The following FER variants were observed in gnomAD, a reference collection of about 807,000 sequenced individuals.
FER encodes the protein FER tyrosine kinase.
In FER, 63 loss-of-function variants were observed where a neutral mutation model predicts 111.0. The ratio of observed to expected loss-of-function variants is 0.57; its 90% confidence interval spans 0.46 to 0.70. The LOEUF (loss-of-function observed/expected upper bound fraction) is 0.70. FER is among the 30% of genes least tolerant of loss of function. The pLI, the probability that FER is intolerant of heterozygous loss-of-function variation, is 0.00. For missense variants in FER, 914 were observed against 954.0 expected (o/e 0.96, Z 0.55); for synonymous variants, 327 against 313.9 (o/e 1.04, Z -0.44).
At chr5:109,029,368 G>A (rs1769260535) in intron 13 of FER, among the ~76,000 whole-genome samples, 1 of 147,226 alleles carries the variant, frequency 6.8e-6, no homozygotes, top group Admixed American at 6.8e-5. Flanking sequence ...TCTAGCATTA[G>A]GTATATCTCC....
intron 5 of FER, chr5:108,842,789 T>C (rs896957904): frequency 1.3e-5 from 2 of 152,200 alleles, no homozygotes; most frequent in African/African-American, 4.8e-5. Flanking sequence ...GGAACACTTC[T>C]ACACGGCTGG....
chr5:108,892,814 G>A (rs1218280535), intron 9 of FER, among the ~76,000 whole-genome samples: 4 of 152,150 alleles, frequency 2.6e-5, no homozygotes, highest in African/African-American at 9.7e-5. Flanking sequence ...TAACGTTTAA[G>A]TCTTTAATCC....
At chr5:108,810,798 G>C (rs1201198005) in intron 3 of FER, among the ~76,000 whole-genome samples, 1 of 152,180 alleles carries the variant, frequency 6.6e-6, no homozygotes, top group Non-Finnish European at 1.5e-5. Context: ...ACCTAGGTGA[G>C]CAGGTGTTTC....
At chr5:108,798,048 C>T in intron 2 of FER, 76 bp from the exon 3 acceptor site, 1 of 539,610 alleles carries the variant, frequency 1.9e-6, no homozygotes, top group East Asian at 3.1e-5. Flanking sequence ...AAAGAAGAAT[C>T]TATCATAACT....
At chr5:108,985,352 AC>A (rs1170648638) in intron 13 of FER, among the ~76,000 whole-genome samples, 1 of 152,060 alleles carries the variant, frequency 6.6e-6, no homozygotes, top group Non-Finnish European at 1.5e-5. Flanking sequence ...CTACTCTTTG[AC>A]CTTTTAATAT....
intron 1 of FER, among the ~76,000 whole-genome samples, chr5:108,759,081 T>G (rs1375961799): frequency 6.6e-6 from 1 of 152,220 alleles, no homozygotes; most frequent in African/African-American, 2.4e-5. Context: ...GAACAGACTG[T>G]CTTAGGGTCT....
chr5:108,754,051 A>G (rs929126968), intron 1 of FER, among the ~76,000 whole-genome samples: 8 of 152,164 alleles, frequency 5.3e-5, no homozygotes, highest in African/African-American at 1.7e-4. Context: ...AATGCAGATG[A>G]TTGAGAGTGA....
At chr5:108,864,327 G>A (rs1580937508) in intron 5 of FER, among the ~76,000 whole-genome samples, 1 of 152,298 alleles carries the variant, frequency 6.6e-6, no homozygotes, top group Non-Finnish European at 1.5e-5. Flanking sequence ...CAGAATTGGA[G>A]GGATGATGAG....
At chr5:109,077,731 A>T (rs566361394) in intron 16 of FER, among the ~76,000 whole-genome samples, 5 of 152,268 alleles carry the variant, frequency 3.3e-5, no homozygotes. Context: ...CATTTGTCTC[A>T]CTAATAACAG....
At chr5:109,135,430 C>A (rs919232228) in intron 17 of FER, among the ~76,000 whole-genome samples, 1 of 152,182 alleles carries the variant, frequency 6.6e-6, no homozygotes. Context: ...AGTTTACGCT[C>A]TTAATAGTGT....
At chr5:108,945,066 A>G (rs73209352) in intron 10 of FER, among the ~76,000 whole-genome samples, 10,757 of 152,212 alleles carry the variant, frequency 0.071, 945 homozygotes, top group African/African-American at 0.2. Context: ...GTGGCCAAGA[A>G]TATGTACATT....
intron 13 of FER, among the ~76,000 whole-genome samples, chr5:109,024,136 TC>T (rs1337298161): frequency 6.6e-6 from 1 of 152,148 alleles, no homozygotes; most frequent in East Asian, 1.9e-4. Context: ...GCAGTTTCGC[TC>T]CATAGCCTAG....
At chr5:109,126,474 G>A (rs1192075867) in intron 17 of FER, among the ~76,000 whole-genome samples, 5 of 152,082 alleles carry the variant, frequency 3.3e-5, no homozygotes, top group Admixed American at 6.6e-5. Flanking sequence ...TCAGGGCTAG[G>A]CCCGTCTAAA....
At chr5:109,113,604 G>A (rs1039569179) in intron 17 of FER, among the ~76,000 whole-genome samples, 6 of 152,090 alleles carry the variant, frequency 3.9e-5, no homozygotes, top group African/African-American at 1.4e-4. Flanking sequence ...TGCTTTATGT[G>A]TCCATGCATA....
chr5:108,817,519 G>A (rs965629776), intron 3 of FER, among the ~76,000 whole-genome samples: 4 of 152,188 alleles, frequency 2.6e-5, no homozygotes, highest in African/African-American at 7.2e-5. Flanking sequence ...AGTTGGAGGT[G>A]TAGTCTGCAG....
intron 5 of FER, among the ~76,000 whole-genome samples, chr5:108,847,879 T>G (rs1006395273): frequency 6.6e-6 from 1 of 152,126 alleles, no homozygotes; most frequent in Non-Finnish European, 1.5e-5. Context: ...TTTTTCCTTT[T>G]TTACTTTATA....
At chr5:109,132,495 G>A (rs1393147929) in intron 17 of FER, among the ~76,000 whole-genome samples, 1 of 152,128 alleles carries the variant, frequency 6.6e-6, no homozygotes, top group Non-Finnish European at 1.5e-5. Flanking sequence ...CTGCTGTGAG[G>A]ATGGGAGAAG....
At chr5:108,846,919 A>G (rs1001582972) in intron 5 of FER, among the ~76,000 whole-genome samples, 1 of 151,884 alleles carries the variant, frequency 6.6e-6, no homozygotes, top group African/African-American at 2.4e-5. Flanking sequence ...GATCATTGTG[A>G]CTAGAGGTTT....
intron 9 of FER, among the ~76,000 whole-genome samples, chr5:108,892,078 G>C (rs1748178388): frequency 6.6e-6 from 1 of 151,966 alleles, no homozygotes; most frequent in Non-Finnish European, 1.5e-5. Flanking sequence ...TTGGACATTT[G>C]GGTTGGTTCC....
Sources: gnomAD v4.1 joint callset for allele counts (sites outside exome capture counted in the v4.1 genomes callset) on GRCh38, gnomAD v4.1.1 for gene constraint, MANE v1.5 for transcripts, NCBI Gene and HGNC (gene_info 2026-07-23, HGNC 2026-07-21) for gene names.